The following SLC39A11 variants were observed in gnomAD, a reference collection of about 807,000 sequenced individuals.
SLC39A11 encodes zinc transporter ZIP11.
SLC39A11 carries 33 observed loss-of-function variants against 36.1 expected under a neutral mutation model. The ratio of observed to expected loss-of-function variants is 0.91; its 90% CI spans 0.69 to 1.22. SLC39A11 has a LOEUF of 1.22. Among genes scored for constraint, SLC39A11 ranks in the 50% most tolerant of loss-of-function variants. The pLI, the probability that SLC39A11 is intolerant of heterozygous loss-of-function variation, is 0.00. For synonymous variants in SLC39A11, 166 were observed against 170.3 expected, an observed-to-expected ratio of 0.97 and a Z score of 0.20; for missense variants, 432 against 430.3, an observed-to-expected ratio of 1.00 and a Z score of -0.03.
chr17:72,817,796 C>A (rs755544137), intron 6 of SLC39A11: 8 of 152,280 alleles, frequency 5.3e-5, no homozygotes, highest in African/African-American at 1.9e-4. Context: ...CTGTATTATT[C>A]CATTCTCACG....
At chr17:72,702,954 A>AAAAAAAAAAAAC in intron 7 of SLC39A11, among the ~76,000 whole-genome samples, 1 of 149,128 alleles carries the variant, frequency 6.7e-6, no homozygotes, top group Non-Finnish European at 1.5e-5. Context: ...AAAAAAAAAA[A>AAAAAAAAAAAAC]TGGAAGAAAG....
chr17:72,729,306 G>A (rs1034893871), intron 7 of SLC39A11, among the ~76,000 whole-genome samples: 3 of 144,654 alleles, frequency 2.1e-5, no homozygotes, highest in Non-Finnish European at 1.5e-5. Flanking sequence ...GCACGATCAC[G>A]GCTTACTGCA....
intron 2 of SLC39A11, among the ~76,000 whole-genome samples, chr17:73,087,974 G>A (rs1027127018): frequency 2.6e-5 from 4 of 152,090 alleles, no homozygotes; most frequent in East Asian, 3.9e-4. Context: ...AATGTTCTTC[G>A]GTCACGCATA....
intron 5 of SLC39A11, among the ~76,000 whole-genome samples, chr17:72,907,177 G>T (rs1323128746): frequency 1.3e-5 from 2 of 152,196 alleles, no homozygotes; most frequent in East Asian, 3.8e-4. Flanking sequence ...GAGAGCACAA[G>T]GAAAACACCA....
At chr17:72,712,234 T>C (rs1368353658) in intron 7 of SLC39A11, among the ~76,000 whole-genome samples, 2 of 152,218 alleles carry the variant, frequency 1.3e-5, no homozygotes, top group African/African-American at 4.8e-5. Context: ...TCCAAAGACA[T>C]GTGACATATG....
chr17:72,662,617 G>A, intron 7 of SLC39A11, among the ~76,000 whole-genome samples: 1 of 69,512 alleles, frequency 1.4e-5, no homozygotes. Context: ...GAAGGAAGGA[G>A]AGAAGAAAGA....
intron 6 of SLC39A11, among the ~76,000 whole-genome samples, chr17:72,766,335 TAGA>T (rs2075758488): frequency 6.6e-6 from 1 of 152,178 alleles, no homozygotes; most frequent in African/African-American, 2.4e-5. Flanking sequence ...GGTATATACT[TAGA>T]AGAAGAATTG....
chr17:72,698,458 C>CAAAAA (rs1567958636), intron 7 of SLC39A11, among the ~76,000 whole-genome samples: 1 of 51,942 alleles, frequency 1.9e-5, no homozygotes, highest in Non-Finnish European at 3.7e-5. Flanking sequence ...ATAATAAAAA[C>CAAAAA]CAAAAAAAAA....
chr17:73,043,723 G>T (rs1474543214), intron 3 of SLC39A11, among the ~76,000 whole-genome samples: 1 of 152,182 alleles, frequency 6.6e-6, no homozygotes, highest in Middle Eastern at 3.2e-3. Context: ...GAGAAACTTG[G>T]AAGAAGGAAG....
At chr17:72,841,788 G>A (rs752912872) in intron 6 of SLC39A11, among the ~76,000 whole-genome samples, 1 of 152,120 alleles carries the variant, frequency 6.6e-6, no homozygotes. Flanking sequence ...CAGGCCAGGC[G>A]AGGTGGCTCA....
intron 5 of SLC39A11, among the ~76,000 whole-genome samples, chr17:72,906,017 T>C (rs1454283173): frequency 6.6e-6 from 1 of 152,118 alleles, no homozygotes; most frequent in Non-Finnish European, 1.5e-5. Context: ...CCTCCCAAAG[T>C]GCTGGGATTA....
At chr17:72,694,579 G>C (rs892262549) in intron 7 of SLC39A11, among the ~76,000 whole-genome samples, 33 of 152,342 alleles carry the variant, frequency 2.2e-4, no homozygotes, top group Admixed American at 7.8e-4. Flanking sequence ...GGCTGGTTTG[G>C]AAATTCCTTT....
chr17:72,912,139 G>A (rs150334623), intron 5 of SLC39A11, among the ~76,000 whole-genome samples: 349 of 152,246 alleles, frequency 2.3e-3, no homozygotes, highest in Middle Eastern at 0.014. Flanking sequence ...CCAGACCTGG[G>A]TTTAACCTCT....
At chr17:72,967,287 G>A (rs1416395087) in intron 4 of SLC39A11, among the ~76,000 whole-genome samples, 1 of 151,660 alleles carries the variant, frequency 6.6e-6, no homozygotes, top group African/African-American at 2.4e-5. Flanking sequence ...AAAGGCTAGG[G>A]ACTACTATGC....
rs1025376533 is a variant in SLC39A11, at chr17:72,900,138, G to A, written c.430+47614C>T. The stretch of plus-strand genomic sequence containing the variant: ...GAAAGAAAGAAAAGAAAGAAAGAAA[G>A]AAAAAGAAAGAAAGAAAAGAAAGAA... On this transcript the variant is annotated intron_variant, in intron 5 of 9. Transcript: ENST00000255559. Among the ~76,000 whole-genome samples the A allele has an allele frequency of 8.4e-4, 59 of 70,428 alleles. 7 individuals carry two copies. Among genetic ancestry groups the A allele is most frequent in the African/African-American group, 6.1e-3 (50 of 8,264 alleles). 46.2% of individuals were successfully genotyped at this position (70,428 alleles called of 152,430 possible). A position where few individuals can be genotyped will look rare whatever the true frequency, so the allele number is the denominator to read the frequency against.
rs1007290558 is a variant in SLC39A11 at position 73,034,524 on chromosome 17, ATTC to A, written c.148-2813_148-2811del. On this transcript the variant is annotated intron_variant, in intron 3 of 9. Coordinates refer to ENST00000255559, the MANE Select transcript of SLC39A11 (RefSeq NM_139177.4). ...GGCGTGAGCCACTGCTACTGGCCCA[ATTC>A]TTCTTTTTAAACCTGACCTGTGCAG... is the stretch of plus-strand genomic sequence containing the variant. Among the ~76,000 whole-genome samples, 7 of 152,220 alleles carry A rather than the reference ATTC, an allele frequency of 4.6e-5. No homozygotes were observed. In the East Asian group the frequency reaches 9.7e-4, roughly 21 times the overall value.
intron 6 of SLC39A11, among the ~76,000 whole-genome samples, chr17:72,743,013 A>G (rs538991897): frequency 7.2e-5 from 11 of 152,350 alleles, no homozygotes; most frequent in African/African-American, 2.6e-4. Flanking sequence ...AATGCAAATA[A>G]TAGTGCAGCC....
At chr17:72,883,754 C>T (rs995090902) in intron 5 of SLC39A11, among the ~76,000 whole-genome samples, 4 of 152,194 alleles carry the variant, frequency 2.6e-5, no homozygotes, top group Non-Finnish European at 4.4e-5. Context: ...CACCTCCATC[C>T]CTCCTTATTG....
chr17:72,647,555 C>T lies in SLC39A11; in HGVS notation c.*29G>A. Reference sequence around the variant, plus strand: ...CAACCACTGCTGTTTCTTCGTATGGCCTTTCCCGGGGTCCGAAGCGTCTCA... The same window carrying T: ...CAACCACTGCTGTTTCTTCGTATGGTCTTTCCCGGGGTCCGAAGCGTCTCA... On this transcript the variant is annotated 3_prime_UTR_variant, in exon 10 of 10. Coordinates refer to ENST00000255559, the MANE Select transcript of SLC39A11 (RefSeq NM_139177.4). 1 of 1,603,244 alleles carries T rather than the reference C, an allele frequency of 6.2e-7. No homozygotes were observed. The highest frequency in any genetic ancestry group is 8.5e-7 in the Non-Finnish European group (1 of 1,172,746).
Sources: gnomAD v4.1 joint callset for allele counts (sites outside exome capture counted in the v4.1 genomes callset) on GRCh38, gnomAD v4.1.1 for gene constraint, MANE v1.5 for transcripts, NCBI Gene and HGNC (gene_info 2026-07-23, HGNC 2026-07-21) for gene names.